CPT2: variants seen among roughly 807,000 people sequenced by gnomAD.
The protein encoded by CPT2 is carnitine O-palmitoyltransferase 2, mitochondrial.
In CPT2, 37 loss-of-function variants were observed where a neutral mutation model predicts 48.6. The observed-to-expected ratio is 0.76, with a 90% CI of 0.59 to 1.00. The LOEUF (loss-of-function observed/expected upper bound fraction) is 1.00, where lower values mean the gene tolerates loss of function less well. CPT2 is among the 50% of genes least tolerant of loss of function. The pLI is 0.00. For synonymous variants in CPT2, 319 were observed against 326.9 expected (o/e 0.98, Z 0.26); for missense variants, 772 against 825.6 (o/e 0.94, Z 0.80).
Position 53,197,323 on chromosome 1 carries a change from G to C in CPT2, c.152+228G>C, listed in dbSNP as rs939841943. On this transcript the variant is annotated intron_variant, in intron 1 of 4. Transcript: ENST00000371486. The stretch of plus-strand genomic sequence containing the variant: ...TCCAGAACCCCTCGATGCTATCTCA[G>C]ATTCTCCATCTTGAACGCTTCTCAG... The C allele has an allele frequency of 6.5e-6, 4 of 612,554 alleles. No homozygotes were observed. In the African/African-American group the frequency reaches 7.5e-5, roughly 12 times the overall value. 37.9% of individuals were successfully genotyped at this position (612,554 alleles called of 1,614,324 possible).
intron 1 of CPT2, chr1:53,197,424 A>C: frequency 2.4e-6 from 1 of 423,198 alleles, no homozygotes; most frequent in Non-Finnish European, 4.4e-6. Flanking sequence ...AGACCTGCAT[A>C]TTTCCAGCGC....
intron 3 of CPT2, chr1:53,209,205 A>T (rs796804636): frequency 9.9e-5 from 15 of 152,172 alleles, no homozygotes; most frequent in African/African-American, 3.6e-4. Flanking sequence ...TACCAAAAAT[A>T]AAAAAATTAG....
rs1303762792 is a variant in CPT2, at chr1:53,196,913, C to T, written c.-31C>T. The T allele has an allele frequency of 1.3e-6, 2 of 1,537,986 alleles. No individual in the cohort carries two copies. Among genetic ancestry groups the T allele is most frequent in the Admixed American group, 1.9e-5 (1 of 53,674 alleles). On this transcript the variant is annotated 5_prime_UTR_variant, in exon 1 of 5. Coordinates refer to ENST00000371486, the MANE Select transcript of CPT2 (RefSeq NM_000098.3). ...TTAGACTCCAGAACTCCCCACTTGC[C>T]GCGTTCTCGCCGCCGCAGGCTCCCG...
Position 53,202,400 on chromosome 1 carries a change from A to C in CPT2, c.311A>C (p.Lys104Thr). Residue 104 changes from lysine (K) to threonine (T), a missense_variant, in exon 3 of 5, where the codon AAA becomes ACA. Transcript: ENST00000371486. ...CATGAGCAGCTGGTTGCTCTGGACA[A>C]ACAGAATAAACATACAAGCTACATT... is the stretch of plus-strand genomic sequence containing the variant. ...ELHEQLVALD[K>T]QNKHTSYISG... 1.2e-6 allele frequency: 2 copies of C among 1,614,088 alleles called. No homozygotes were observed. The highest frequency in any genetic ancestry group is 8.5e-7 in the Non-Finnish European group (1 of 1,179,932).
chr1:53,209,823 C>CA, intron 3 of CPT2, 192 bp from the exon 4 acceptor site: 1 of 615,384 alleles, frequency 1.6e-6, no homozygotes, highest in Non-Finnish European at 2.8e-6. Flanking sequence ...AAGCTAAATG[C>CA]AAAACACCAT....
At chr1:53,204,936 C>T (rs1235125370) in intron 3 of CPT2, among the ~76,000 whole-genome samples, 1 of 152,160 alleles carries the variant, frequency 6.6e-6, no homozygotes, top group Non-Finnish European at 1.5e-5. Flanking sequence ...TCAATTAGAC[C>T]TCTTTTCTTT....
rs1210368088 is a variant in CPT2 at position 53,211,260 on chromosome 1, A to C, written c.1586A>C (p.Gln529Pro). ...EPSRHSAGELQQMMVECSKYH... is the reference protein window; with the variant it reads ...EPSRHSAGELPQMMVECSKYH... ...TCCAGGCACAGTGCTGGTGAGCTTC[A>C]GCAGATGATGGTTGAGTGCTCCAAG... is the stretch of plus-strand genomic sequence containing the variant. The change falls in exon 4 of 5, where the codon CAG becomes CCG. Residue 529 changes from glutamine (Q) to proline (P), a missense_variant. By Grantham distance (76) the Gln-to-Pro change is moderately conservative. Transcript: ENST00000371486. 4 of 1,612,370 alleles carry C rather than the reference A, an allele frequency of 2.5e-6. No individual in the cohort carries two copies. The highest frequency in any genetic ancestry group is 3.4e-6 in the Non-Finnish European group (4 of 1,179,296).
At chr1:53,211,923 C>T (rs1205562861) in intron 4 of CPT2, among the ~76,000 whole-genome samples, 2 of 151,024 alleles carry the variant, frequency 1.3e-5, no homozygotes, top group Non-Finnish European at 3.0e-5. Context: ...GACACGGTCT[C>T]ATTCTGTCAC....
At chr1:53,203,383 A>G (rs1301397137) in intron 3 of CPT2, 2 of 152,208 alleles carry the variant, frequency 1.3e-5, no homozygotes, top group Non-Finnish European at 2.9e-5. Context: ...TGATCATAGA[A>G]ACACTATTGT....
chr1:53,211,375 C>T, intron 4 of CPT2, 56 bp downstream of exon 4: 1 of 1,479,234 alleles, frequency 6.8e-7, no homozygotes, highest in Non-Finnish European at 9.2e-7. Flanking sequence ...CTTGGGTAAG[C>T]AAGCCTAAAT....
In CPT2 at chr1:53,213,456, G is replaced by A. The variant is rs1270645489; in HGVS notation, c.1838G>A (p.Gly613Glu). 1.9e-6 allele frequency: 3 copies of A among 1,614,214 alleles called. No homozygotes were observed. The South Asian group carries it at 3.3e-5, about 18-fold the overall frequency. ...GTGGTCTCTGATGGCTTTGGTGTTG[G>A]GTATGCTGTTCATGACAACTGGATA... ...APVVSDGFGV[G>E]YAVHDNWIGC... Residue 613 changes from glycine to glutamate, a missense_variant, in exon 5 of 5, where the codon GGG becomes GAG. Coordinates refer to ENST00000371486, the MANE Select transcript of CPT2 (RefSeq NM_000098.3).
chr1:53,206,384 A>C (rs894132153), intron 3 of CPT2, among the ~76,000 whole-genome samples: 1 of 152,192 alleles, frequency 6.6e-6, no homozygotes, highest in East Asian at 1.9e-4. Context: ...CTGTGAGAAG[A>C]GGGCCACTGC....
rs1645323668 is a variant in CPT2, at chr1:53,196,850, C to T, written c.-94C>T. 2.1e-6 allele frequency: 3 copies of T among 1,460,534 alleles called. No individual in the cohort carries two copies. The highest frequency in any genetic ancestry group is 2.0e-5 in the Admixed American group (1 of 49,770). The allele number at this position is 1,460,534 out of a possible 1,614,324, so 90.5% of individuals were successfully genotyped here. On this transcript the variant is annotated 5_prime_UTR_variant, in exon 1 of 5. Transcript: ENST00000371486. ...GAGAAGTGCCTCAGGAGTCCTGACG[C>T]AGTGTCTTGGGCGCTAACGGCGGCG...
chr1:53,213,488 A>C lies in CPT2; in HGVS notation c.1870A>C (p.Asn624His). Residue 624 changes from asparagine to histidine, a missense_variant, in exon 5 of 5, where the codon AAT (asparagine) becomes CAT (histidine). Asn to His is a moderately conservative substitution (Grantham distance 68, BLOSUM62 1). Coordinates refer to ENST00000371486, the MANE Select transcript of CPT2 (RefSeq NM_000098.3). ...TGTTCATGACAACTGGATAGGCTGC[A>C]ATGTCTCTTCCTACCCAGGCCGCAA... Reference protein sequence around the residue: ...YAVHDNWIGCNVSSYPGRNAR... With the variant: ...YAVHDNWIGCHVSSYPGRNAR... 1 of 1,614,242 alleles carries C rather than the reference A, an allele frequency of 6.2e-7. No homozygotes were observed.
intron 2 of CPT2, 139 bp from the exon 3 acceptor site, chr1:53,202,184 A>G: frequency 1.4e-6 from 1 of 696,524 alleles, no homozygotes; most frequent in East Asian, 2.7e-5. Flanking sequence ...TTCTGGTTAG[A>G]GGTACTTTCT....
At position 53,200,701 on chromosome 1, in the gene CPT2, A is replaced by G. The variant is rs1392664487; in HGVS notation, c.153-18A>G. ...TCCATATACTGTCAGCCTTACACTG[A>G]CCCTGCTTTCTCCCCAGGCTGCCTA... On this transcript the variant is annotated intron_variant, in intron 1 of 4. Transcript: ENST00000371486. 1 of 1,594,306 alleles carries G rather than the reference A, an allele frequency of 6.3e-7. No homozygotes were observed. The highest frequency in any genetic ancestry group is 8.6e-7 in the Non-Finnish European group (1 of 1,162,346).
chr1:53,213,259 C>T lies in CPT2; in HGVS notation c.1646-5C>T, dbSNP rs899867031. 1.2e-6 allele frequency: 2 copies of T among 1,613,956 alleles called. No individual in the cohort carries two copies. The highest frequency in any genetic ancestry group is 2.7e-5 in the African/African-American group (2 of 74,924). Reference sequence around the variant, plus strand: ...GACTCTGGTTTTCCATTTTGTTTCTCACAGGCCAGGGCTTTGACCGACACT... The same window carrying T: ...GACTCTGGTTTTCCATTTTGTTTCTTACAGGCCAGGGCTTTGACCGACACT... On this transcript the variant is annotated splice_polypyrimidine_tract_variant and splice_region_variant and intron_variant, in intron 4 of 4. Transcript: ENST00000371486.
At position 53,210,301 on chromosome 1, in the gene CPT2, G is replaced by A. The variant is rs774374525; in HGVS notation, c.627G>A (p.Ala209=). 2.0e-5 allele frequency: 33 copies of A among 1,614,136 alleles called. No individual in the cohort carries two copies. In the Admixed American group the frequency reaches 2.2e-4, roughly 11 times the overall value. ...LSWYGAYLVN[A]YPLDMSQYFR... is the part of the protein sequence containing the mutation. ...GGTATGGGGCCTACCTGGTCAATGC[G>A]TATCCCCTGGATATGTCCCAGTATT... The change falls in exon 4 of 5, where the codon GCG becomes GCA. Residue 209 remains alanine, a synonymous_variant. Transcript: ENST00000371486.
Position 53,202,338 on chromosome 1 carries a change from T to C in CPT2, c.249T>C (p.Phe83=), listed in dbSNP as rs767339394. Residue 83 remains phenylalanine (F), a synonymous_variant, in exon 3 of 5, where the codon TTT becomes TTC. Coordinates refer to ENST00000371486, the MANE Select transcript of CPT2 (RefSeq NM_000098.3). ...AATGTTTTAGGAAAACAGAACAATT[T>C]TGCAAGAGTTTTGAAAATGGGATTG... ...NDGQFRKTEQ[F]CKSFENGIGK... 8.1e-6 allele frequency: 13 copies of C among 1,613,718 alleles called. No homozygotes were observed. Among genetic ancestry groups the C allele is most frequent in the Non-Finnish European group, 1.1e-5 (13 of 1,179,752 alleles).
Sources: allele counts gnomAD v4.1 joint callset (sites outside exome capture counted in the v4.1 genomes callset), GRCh38; gene constraint gnomAD v4.1.1; transcripts MANE v1.5; gene names NCBI Gene and HGNC (gene_info 2026-07-23, HGNC 2026-07-21).